Variants in PTPRG observed in about 807,000 individuals in gnomAD.
PTPRG encodes protein tyrosine phosphatase receptor type G.
PTPRG carries 102 observed loss-of-function variants against 165.3 expected under a neutral mutation model. That is an observed-to-expected ratio of 0.62 (90% CI 0.53 to 0.73). The LOEUF is 0.73. Ranked by LOEUF, PTPRG falls within the 30% of genes least tolerant of loss-of-function variation. PTPRG has a pLI of 0.00. For missense variants in PTPRG, 1,866 were observed against 1,861.4 expected, an observed-to-expected ratio of 1.00 and a Z score of -0.05; for synonymous variants, 675 against 669.5, an observed-to-expected ratio of 1.01 and a Z score of -0.13.
chr3:61,649,081 C>A (rs6445231), intron 1 of PTPRG, among the ~76,000 whole-genome samples: 151,303 of 152,092 alleles, frequency 0.99, 75,267 homozygotes, highest in Middle Eastern at 1. Flanking sequence ...CATTGTTACA[C>A]GAGTATGCCG....
At chr3:61,815,279 G>A (rs1364328236) in intron 2 of PTPRG, among the ~76,000 whole-genome samples, 1 of 151,216 alleles carries the variant, frequency 6.6e-6, no homozygotes, top group African/African-American at 2.4e-5. Flanking sequence ...GCATGGTGAT[G>A]TGCACCTGTA....
chr3:62,143,192 C>T (rs1360139356), intron 6 of PTPRG, among the ~76,000 whole-genome samples: 2 of 152,224 alleles, frequency 1.3e-5, no homozygotes, highest in South Asian at 2.1e-4. Flanking sequence ...GTCACTGTCA[C>T]CCTGACACCA....
At chr3:62,232,557 A>G (rs1700927629) in intron 14 of PTPRG, among the ~76,000 whole-genome samples, 1 of 152,240 alleles carries the variant, frequency 6.6e-6, no homozygotes, top group Non-Finnish European at 1.5e-5. Context: ...ATAACACTTT[A>G]AAAACCCAGC....
At chr3:62,159,855 T>C (rs1466719149) in intron 7 of PTPRG, among the ~76,000 whole-genome samples, 2 of 152,216 alleles carry the variant, frequency 1.3e-5, no homozygotes, top group African/African-American at 4.8e-5. Flanking sequence ...GTGGCCAAAC[T>C]GGATCCTTGC....
chr3:61,764,372 G>A (rs527535246), intron 2 of PTPRG, among the ~76,000 whole-genome samples: 1 of 152,254 alleles, frequency 6.6e-6, no homozygotes, highest in Admixed American at 6.5e-5. Context: ...GCACAAGCCA[G>A]GTGGCAAACT....
rs866622288 is a variant in PTPRG, at chr3:61,798,639, A to T, written c.190+49657A>T. ...TGCTGGTTTTTTTTTTTTTTTTTTT[A>T]AACCCTTTGAGTTATTTTGAATCTT... On this transcript the variant is annotated intron_variant, in intron 2 of 29. Transcript: ENST00000474889. 3.5e-3 allele frequency among the ~76,000 whole-genome samples: 238 copies of T among 68,480 alleles called. 1 individual carries two copies. The highest frequency in any genetic ancestry group is 0.017 in the South Asian group (30 of 1,766). The allele number at this position is 68,480 out of a possible 152,430, so 44.9% of individuals were successfully genotyped here.
At chr3:61,736,799 T>C (rs1482278279) in intron 1 of PTPRG, among the ~76,000 whole-genome samples, 1 of 152,196 alleles carries the variant, frequency 6.6e-6, no homozygotes, top group Non-Finnish European at 1.5e-5. Context: ...GAGTTGTTTT[T>C]ACAAAGCATA....
chr3:62,275,204 A>C (rs1559745860), intron 23 of PTPRG, among the ~76,000 whole-genome samples: 1 of 152,218 alleles, frequency 6.6e-6, no homozygotes, highest in African/African-American at 2.4e-5. Context: ...TACTTATAAA[A>C]GCCTTAGAAC....
At chr3:62,242,188 T>A (rs1372247466) in intron 14 of PTPRG, among the ~76,000 whole-genome samples, 1 of 152,252 alleles carries the variant, frequency 6.6e-6, no homozygotes, top group African/African-American at 2.4e-5. Context: ...TATAATATTA[T>A]GTGCATTTCA....
intron 1 of PTPRG, among the ~76,000 whole-genome samples, chr3:61,664,831 AAAAT>A (rs760526169): frequency 3.3e-5 from 5 of 152,062 alleles, no homozygotes; most frequent in South Asian, 2.1e-4. Flanking sequence ...ATCCTGTTTC[AAAAT>A]AAATAAATAA....
At chr3:61,703,140 A>G (rs1319632751) in intron 1 of PTPRG, among the ~76,000 whole-genome samples, 1 of 151,982 alleles carries the variant, frequency 6.6e-6, no homozygotes, top group Non-Finnish European at 1.5e-5. Flanking sequence ...CAGGTAAGGA[A>G]GTTGAATCTT....
intron 5 of PTPRG, among the ~76,000 whole-genome samples, chr3:62,109,747 G>T (rs1576013572): frequency 1.3e-5 from 2 of 152,142 alleles, no homozygotes; most frequent in African/African-American, 4.8e-5. Context: ...CATCTCAGCA[G>T]CTCTCAAAAC....
chr3:61,735,572 A>G (rs911252467), intron 1 of PTPRG, among the ~76,000 whole-genome samples: 2 of 149,686 alleles, frequency 1.3e-5, no homozygotes, highest in Non-Finnish European at 3.0e-5. Flanking sequence ...ACAGGCCTAC[A>G]TTGATTGAAT....
intron 8 of PTPRG, among the ~76,000 whole-genome samples, chr3:62,182,681 G>A (rs1362796240): frequency 6.6e-6 from 1 of 150,388 alleles, no homozygotes; most frequent in Non-Finnish European, 1.5e-5. Flanking sequence ...GTTTGTTTGA[G>A]ATGGAGTCTC....
At chr3:62,031,464 A>G (rs1235198833) in intron 4 of PTPRG, among the ~76,000 whole-genome samples, 1 of 152,182 alleles carries the variant, frequency 6.6e-6, no homozygotes, top group Non-Finnish European at 1.5e-5. Flanking sequence ...TAAGATTACC[A>G]TGATATGGAG....
At chr3:61,823,081 A>AT (rs946136474) in intron 2 of PTPRG, among the ~76,000 whole-genome samples, 1 of 152,012 alleles carries the variant, frequency 6.6e-6, no homozygotes, top group Non-Finnish European at 1.5e-5. Context: ...TGGGCTGAAT[A>AT]TTTTTTACCA....
intron 5 of PTPRG, among the ~76,000 whole-genome samples, chr3:62,081,029 G>A (rs1034622292): frequency 5.3e-5 from 8 of 151,638 alleles, no homozygotes; most frequent in African/African-American, 1.2e-4. Flanking sequence ...AGGCCGAGGC[G>A]GGCGGATCAC....
chr3:61,689,444 T>G (rs1389303178), intron 1 of PTPRG, among the ~76,000 whole-genome samples: 1 of 152,222 alleles, frequency 6.6e-6, no homozygotes, highest in Non-Finnish European at 1.5e-5. Context: ...TGAATTTCAC[T>G]TTGGAGGGAA....
At chr3:61,784,628 G>A (rs961760768) in intron 2 of PTPRG, among the ~76,000 whole-genome samples, 9 of 152,164 alleles carry the variant, frequency 5.9e-5, no homozygotes, top group African/African-American at 1.9e-4. Context: ...AGTTGGGTAT[G>A]CATAACGCTG....
Sources: gnomAD v4.1 joint callset for allele counts (sites outside exome capture counted in the v4.1 genomes callset) on GRCh38, gnomAD v4.1.1 for gene constraint, MANE v1.5 for transcripts, NCBI Gene and HGNC (gene_info 2026-07-23, HGNC 2026-07-21) for gene names.